The following RNF24 variants were observed in gnomAD, a reference collection of about 807,000 sequenced individuals.
RNF24 encodes ring finger protein 24.
In RNF24, 14 loss-of-function variants were observed where a neutral mutation model predicts 20.0. That is an observed-to-expected ratio of 0.70 (90% confidence interval 0.46 to 1.10). The LOEUF (loss-of-function observed/expected upper bound fraction) is 1.10. Among genes scored for constraint, RNF24 ranks in the 50% least tolerant of loss-of-function variants. The pLI is 0.00. For synonymous variants in RNF24, 45 were observed against 61.1 expected, an observed-to-expected ratio of 0.74 and a Z score of 1.23; for missense variants, 124 against 177.6, an observed-to-expected ratio of 0.70 and a Z score of 1.71.
At chr20:3,953,263 T>C (rs1600647831) in intron 2 of RNF24, among the ~76,000 whole-genome samples, 1 of 152,220 alleles carries the variant, frequency 6.6e-6, no homozygotes, top group East Asian at 1.9e-4. Context: ...GCCATTCTCC[T>C]GCCTCAGCCT....
intron 1 of RNF24, among the ~76,000 whole-genome samples, chr20:3,985,824 G>A (rs1240216136): frequency 2.0e-5 from 3 of 150,822 alleles, no homozygotes; most frequent in Non-Finnish European, 2.9e-5. Flanking sequence ...TCCTACCTCC[G>A]CCTCCTGGGT....
rs1439466477 is a variant in RNF24 at position 3,945,229 on chromosome 20, A to G, written c.187-11T>C. 1.9e-6 allele frequency: 3 copies of G among 1,583,728 alleles called. No individual in the cohort carries two copies. The South Asian group carries it at 3.4e-5, about 18-fold the overall frequency. On this transcript the variant is annotated splice_polypyrimidine_tract_variant and intron_variant, in intron 3 of 5. Coordinates refer to ENST00000358395, the MANE Select transcript of RNF24 (RefSeq NM_001134337.3). ...CTCTTTTAATATAACCTGTAAGACA[A>G]AAAAGTATGTTCTTATGCCCATTTA...
At chr20:3,952,945 A>T (rs572631039) in intron 2 of RNF24, among the ~76,000 whole-genome samples, 3 of 152,244 alleles carry the variant, frequency 2.0e-5, no homozygotes, top group African/African-American at 7.2e-5. Flanking sequence ...GATGAAAAGG[A>T]TCGGTCTATA....
At chr20:3,951,845 A>C (rs1341166297) in intron 2 of RNF24, among the ~76,000 whole-genome samples, 1 of 152,104 alleles carries the variant, frequency 6.6e-6, no homozygotes, top group Non-Finnish European at 1.5e-5. Flanking sequence ...ACAAGCCCCC[A>C]TCCTTTCCCA....
At chr20:3,975,118 A>C (rs532413680) in intron 1 of RNF24, among the ~76,000 whole-genome samples, 1 of 152,280 alleles carries the variant, frequency 6.6e-6, no homozygotes, top group Non-Finnish European at 1.5e-5. Context: ...ATAAGCATAA[A>C]TGATTTTTGA....
intron 1 of RNF24, among the ~76,000 whole-genome samples, chr20:4,002,568 A>G (rs1348457026): frequency 6.6e-6 from 1 of 152,212 alleles, no homozygotes; most frequent in African/African-American, 2.4e-5. Context: ...GTCTGAAAAA[A>G]TAGTGTAGGT....
chr20:3,956,044 G>A (rs992140262), intron 2 of RNF24, among the ~76,000 whole-genome samples: 6 of 151,862 alleles, frequency 4.0e-5, no homozygotes, highest in East Asian at 1.9e-4. Context: ...TGGATCCTAC[G>A]GGATTTTCTC....
chr20:3,939,033 G>T (rs1231750182), intron 4 of RNF24, among the ~76,000 whole-genome samples: 1 of 151,970 alleles, frequency 6.6e-6, no homozygotes, highest in Non-Finnish European at 1.5e-5. Context: ...GATTACAGGA[G>T]TGAGCCTCCA....
chr20:3,978,012 A>G (rs2147019661), intron 1 of RNF24, among the ~76,000 whole-genome samples: 1 of 152,296 alleles, frequency 6.6e-6, no homozygotes, highest in South Asian at 2.1e-4. Flanking sequence ...TTACAGTGCA[A>G]TAGGGAAACT....
chr20:4,014,779 C>CACACACACA (rs1568679707), intron 1 of RNF24, among the ~76,000 whole-genome samples: 1 of 120,372 alleles, frequency 8.3e-6, no homozygotes, highest in East Asian at 2.4e-4. Context: ...ACACACACAT[C>CACACACACA]ATTAGGTCTC....
chr20:3,975,279 T>C (rs904456005), intron 1 of RNF24, among the ~76,000 whole-genome samples: 7 of 151,990 alleles, frequency 4.6e-5, no homozygotes, highest in Non-Finnish European at 7.4e-5. Context: ...GAACTTAAAC[T>C]TAAAATGCAG....
chr20:3,930,162 T>TA lies in RNF24; in HGVS notation c.*3900_*3901insT, dbSNP rs2090801416. The TA allele has an allele frequency of 1.3e-5, 2 of 152,184 alleles. No homozygotes were observed. The highest frequency in any genetic ancestry group is 4.1e-4 in the South Asian group (2 of 4,834). 9.4% of individuals were successfully genotyped at this position (152,184 alleles called of 1,614,324 possible). On this transcript the variant is annotated 3_prime_UTR_variant, in exon 6 of 6. Transcript: ENST00000358395. Reference sequence around the variant, plus strand: ...AGGCATCAGGAACTCAAGAAAGGCTTTTAACTACTTTATGATTTGTGAACC... The same window carrying TA: ...AGGCATCAGGAACTCAAGAAAGGCTTATTAACTACTTTATGATTTGTGAACC...
At chr20:3,953,535 G>A (rs1339239199) in intron 2 of RNF24, among the ~76,000 whole-genome samples, 1 of 148,146 alleles carries the variant, frequency 6.8e-6, no homozygotes, top group Non-Finnish European at 1.5e-5. Context: ...CGCAATCTCA[G>A]CTCACTGCCA....
intron 1 of RNF24, among the ~76,000 whole-genome samples, chr20:3,984,650 A>G (rs1979723085): frequency 6.6e-6 from 1 of 152,248 alleles, no homozygotes; most frequent in African/African-American, 2.4e-5. Flanking sequence ...AAAATCTTTT[A>G]TCTTCAAAAG....
chr20:3,943,989 TA>T (rs1568618478), intron 4 of RNF24, among the ~76,000 whole-genome samples: 2 of 151,934 alleles, frequency 1.3e-5, no homozygotes, highest in Non-Finnish European at 2.9e-5. Context: ...GTGGGTGGAT[TA>T]CGTGAGGTCA....
intron 1 of RNF24, among the ~76,000 whole-genome samples, chr20:4,006,143 G>A (rs542976333): frequency 7.9e-5 from 12 of 152,292 alleles, no homozygotes; most frequent in African/African-American, 2.9e-4. Context: ...CTAGGAGGCT[G>A]AGGCGGGTAG....
At position 3,996,358 on chromosome 20, in the gene RNF24, A is replaced by G. The variant is rs368799577; in HGVS notation, c.-8+19079T>C. Among the ~76,000 whole-genome samples the G allele has an allele frequency of 6.6e-5, 10 of 152,218 alleles. No individual in the cohort carries two copies. In the South Asian group the frequency reaches 2.1e-3, roughly 31 times the overall value. On this transcript the variant is annotated intron_variant, in intron 1 of 5. Coordinates refer to ENST00000358395, the MANE Select transcript of RNF24 (RefSeq NM_001134337.3). Reference sequence around the variant, plus strand: ...GAGAATGACATATTCTTTTTAAAATATATATATTTTGTAGAGATCGGATCT... The same window carrying G: ...GAGAATGACATATTCTTTTTAAAATGTATATATTTTGTAGAGATCGGATCT...
At chr20:3,965,129 C>T (rs1225379229) in intron 1 of RNF24, among the ~76,000 whole-genome samples, 4 of 152,100 alleles carry the variant, frequency 2.6e-5, no homozygotes, top group African/African-American at 9.7e-5. Flanking sequence ...ATTTTGATTC[C>T]TTACAAAATA....
chr20:3,987,306 C>T (rs1980014646), intron 1 of RNF24, among the ~76,000 whole-genome samples: 1 of 152,044 alleles, frequency 6.6e-6, no homozygotes, highest in African/African-American at 2.4e-5. Context: ...AAAAGAAATA[C>T]GAAGCAATGA....
Sources: allele counts gnomAD v4.1 joint callset (sites outside exome capture counted in the v4.1 genomes callset), GRCh38; gene constraint gnomAD v4.1.1; transcripts MANE v1.5; gene names NCBI Gene and HGNC (gene_info 2026-07-23, HGNC 2026-07-21).